ZNF470: variants seen among roughly 807,000 people sequenced by gnomAD.
The protein encoded by ZNF470 is chondrogenesis zinc finger protein 1.
ZNF470 carries 13 observed loss-of-function variants against 13.9 expected under a neutral mutation model. The ratio of observed to expected loss-of-function variants is 0.94; its 90% CI spans 0.61 to 1.49. The LOEUF (loss-of-function observed/expected upper bound fraction) is 1.49. Ranked by LOEUF, ZNF470 falls within the 40% of genes most tolerant of loss-of-function variation. The pLI is 0.00. For synonymous variants in ZNF470, 293 were observed against 282.9 expected, an observed-to-expected ratio of 1.04 and a Z score of -0.36; for missense variants, 929 against 857.3, an observed-to-expected ratio of 1.08 and a Z score of -1.04.
Position 56,574,466 on chromosome 19 carries a change from A to C in ZNF470, c.133A>C (p.Arg45=). The C allele has an allele frequency of 6.2e-7, 1 of 1,613,936 alleles. No homozygotes were observed. Among genetic ancestry groups the C allele is most frequent in the Non-Finnish European group, 8.5e-7 (1 of 1,179,804 alleles). ...DEWEWLNLAQ[R]SLYKKVMLEN... is the part of the protein sequence containing the mutation. The stretch of plus-strand genomic sequence containing the variant: ...ATGGGAGTGGCTGAATCTTGCTCAG[A>C]GAAGTTTGTACAAGAAGGTGATGTT... Residue 45 remains arginine (R), a synonymous_variant, in exon 4 of 6, where the codon AGA becomes CGA. Coordinates refer to ENST00000330619, the MANE Select transcript of ZNF470 (RefSeq NM_001001668.4).
rs551327601 is a variant in ZNF470, at chr19:56,567,871, G to C, written c.-326G>C. The C allele has an allele frequency of 3.0e-6, 3 of 985,292 alleles. No individual in the cohort carries two copies. Among genetic ancestry groups the C allele is most frequent in the East Asian group, 1.1e-4 (1 of 8,730 alleles). The allele number at this position is 985,292 out of a possible 1,614,324, so 61.0% of individuals were successfully genotyped here. A position where few individuals can be genotyped will look rare whatever the true frequency, so the allele number is the denominator to read the frequency against. ...CCCCGTTCTCCCCTGTATCGACTGCGTAGAGCCCAGTGTGGGCAAAGTCCT... is the reference window on the plus strand; with the variant it reads ...CCCCGTTCTCCCCTGTATCGACTGCCTAGAGCCCAGTGTGGGCAAAGTCCT... On this transcript the variant is annotated 5_prime_UTR_variant, in exon 1 of 6. Coordinates refer to ENST00000330619, the MANE Select transcript of ZNF470 (RefSeq NM_001001668.4).
rs745564994 is a variant in ZNF470, at chr19:56,577,797, T to C, written c.1368T>C (p.Asn456=). 4.3e-6 allele frequency: 7 copies of C among 1,613,314 alleles called. No individual in the cohort carries two copies. In the African/African-American group the frequency reaches 9.4e-5, roughly 22 times the overall value. The change falls in exon 6 of 6, where the codon AAT becomes AAC. Residue 456 remains asparagine (N), a synonymous_variant. Coordinates refer to ENST00000330619, the MANE Select transcript of ZNF470 (RefSeq NM_001001668.4). ...IHTGEKPYEC[N]ICEKAFSHRG... Reference sequence around the variant, plus strand: ...CAGGAGAGAAACCTTATGAATGCAATATCTGTGAGAAAGCCTTCAGCCATC... The same window carrying C: ...CAGGAGAGAAACCTTATGAATGCAACATCTGTGAGAAAGCCTTCAGCCATC...
chr19:56,580,177 A>T lies in ZNF470; in HGVS notation c.*1594A>T. The T allele has an allele frequency of 1.0e-6, 1 of 973,698 alleles. No homozygotes were observed. The highest frequency in any genetic ancestry group is 1.2e-6 in the Non-Finnish European group (1 of 827,136). The allele number at this position is 973,698 out of a possible 1,614,324, so 60.3% of individuals were successfully genotyped here. ...CATGTTGGTATTAGAGGATGAGGGAAGAACTAGAGGTAACTGTGAGACACA... is the reference window on the plus strand; with the variant it reads ...CATGTTGGTATTAGAGGATGAGGGATGAACTAGAGGTAACTGTGAGACACA... On this transcript the variant is annotated 3_prime_UTR_variant, in exon 6 of 6. Transcript: ENST00000330619.
At chr19:56,570,205 C>G in intron 2 of ZNF470, 75 bp from the exon 3 acceptor site, 1 of 1,048,656 alleles carries the variant, frequency 9.5e-7, no homozygotes, top group Non-Finnish European at 1.5e-6. Context: ...ACAGAAGAAG[C>G]TGAAGGGAAG....
In ZNF470 at chr19:56,576,824, G is replaced by A; in HGVS notation, c.395G>A (p.Cys132Tyr). The A allele has an allele frequency of 1.3e-6, 2 of 1,587,716 alleles. No homozygotes were observed. Among genetic ancestry groups the A allele is most frequent in the Middle Eastern group, 1.7e-4 (1 of 5,928 alleles). ...MERLKSYDLE[C>Y]STLGKNWKCE... ...AGACTTAAAAGCTATGACCTTGAAT[G>A]TTCAACATTAGGGAAAAACTGGAAA... Residue 132 changes from cysteine to tyrosine, a missense_variant, in exon 6 of 6, where the codon TGT (cysteine) becomes TAT (tyrosine). By Grantham distance (194) the Cys-to-Tyr change is radical. Transcript: ENST00000330619.
Position 56,581,132 on chromosome 19 carries a change from G to C in ZNF470, c.*2549G>C. 1.1e-6 allele frequency: 1 copy of C among 912,194 alleles called. No homozygotes were observed. Among genetic ancestry groups the C allele is most frequent in the Non-Finnish European group, 1.3e-6 (1 of 763,612 alleles). The allele number at this position is 912,194 out of a possible 1,614,324, so 56.5% of individuals were successfully genotyped here. A position where few individuals can be genotyped will look rare whatever the true frequency, so the allele number is the denominator to read the frequency against. On this transcript the variant is annotated 3_prime_UTR_variant, in exon 6 of 6. Coordinates refer to ENST00000330619, the MANE Select transcript of ZNF470 (RefSeq NM_001001668.4). The stretch of plus-strand genomic sequence containing the variant: ...AAGTGTTTGCAACAGATATAATAAA[G>C]GACTGTAATTCGTGATATTCAAAGT...
At position 56,577,322 on chromosome 19, in the gene ZNF470, ATC is replaced by A. The variant is rs1321929830; in HGVS notation, c.895_896del (p.Leu299CysfsTer16). 6.2e-7 allele frequency: 1 copy of A among 1,613,804 alleles called. No individual in the cohort carries two copies. Among genetic ancestry groups the A allele is most frequent in the South Asian group, 1.1e-5 (1 of 91,064 alleles). ...GGGAAAGCCTTCAGCCAGAATGCTC[ATC>A]TTGTTCAACACCAGAGAGTTCATAC... On this transcript the variant is annotated frameshift_variant, in exon 6 of 6. Transcript: ENST00000330619. LOFTEE classifies it low-confidence loss of function (END_TRUNC).
At chr19:56,576,069 A>C (rs2044486660) in intron 5 of ZNF470, among the ~76,000 whole-genome samples, 1 of 152,150 alleles carries the variant, frequency 6.6e-6, no homozygotes, top group Non-Finnish European at 1.5e-5. Context: ...AGAAAACACA[A>C]AAACAAAATA....
chr19:56,578,967 A>T lies in ZNF470; in HGVS notation c.*384A>T, dbSNP rs576713102. ...CTAAGACTAAGATTTTAGAGCAGACAGAAGACTACTCTCCTGGTAGAGAGG... is the reference window on the plus strand; with the variant it reads ...CTAAGACTAAGATTTTAGAGCAGACTGAAGACTACTCTCCTGGTAGAGAGG... On this transcript the variant is annotated 3_prime_UTR_variant, in exon 6 of 6. Coordinates refer to ENST00000330619, the MANE Select transcript of ZNF470 (RefSeq NM_001001668.4). 6 of 997,066 alleles carry T rather than the reference A, an allele frequency of 6.0e-6. No individual in the cohort carries two copies. Among genetic ancestry groups the T allele is most frequent in the Admixed American group, 5.9e-5 (1 of 16,880 alleles). The allele number at this position is 997,066 out of a possible 1,614,324, so 61.8% of individuals were successfully genotyped here.
chr19:56,581,135 C>A lies in ZNF470; in HGVS notation c.*2552C>A. 1.1e-6 allele frequency: 1 copy of A among 905,120 alleles called. No individual in the cohort carries two copies. Among genetic ancestry groups the A allele is most frequent in the Non-Finnish European group, 1.3e-6 (1 of 757,088 alleles). 56.1% of individuals were successfully genotyped at this position (905,120 alleles called of 1,614,324 possible). ...TGTTTGCAACAGATATAATAAAGGA[C>A]TGTAATTCGTGATATTCAAAGTACT... On this transcript the variant is annotated 3_prime_UTR_variant, in exon 6 of 6. Coordinates refer to ENST00000330619, the MANE Select transcript of ZNF470 (RefSeq NM_001001668.4).
At position 56,578,192 on chromosome 19, in the gene ZNF470, G is replaced by C. The variant is rs2044507219; in HGVS notation, c.1763G>C (p.Ser588Thr). Residue 588 changes from serine (S) to threonine (T), a missense_variant, in exon 6 of 6, where the codon AGT becomes ACT. Ser to Thr is a moderately conservative substitution (Grantham distance 58, BLOSUM62 1). Transcript: ENST00000330619. ...SYLVQHQRLHSGKRPYECLEC... is the reference protein window; with the variant it reads ...SYLVQHQRLHTGKRPYECLEC... Reference sequence around the variant, plus strand: ...CTTGTTCAACATCAGAGACTCCACAGTGGCAAAAGACCGTATGAATGTCTT... The same window carrying C: ...CTTGTTCAACATCAGAGACTCCACACTGGCAAAAGACCGTATGAATGTCTT... The C allele has an allele frequency of 6.2e-7, 1 of 1,613,806 alleles. No homozygotes were observed. Among genetic ancestry groups the C allele is most frequent in the Non-Finnish European group, 8.5e-7 (1 of 1,179,944 alleles).
chr19:56,577,836 T>A lies in ZNF470; in HGVS notation c.1407T>A (p.Thr469=), dbSNP rs2044503002. 3.1e-6 allele frequency: 5 copies of A among 1,614,040 alleles called. No individual in the cohort carries two copies. Among genetic ancestry groups the A allele is most frequent in the Non-Finnish European group, 4.2e-6 (5 of 1,179,980 alleles). The change falls in exon 6 of 6, where the codon ACT becomes ACA. Residue 469 remains threonine, a synonymous_variant. Coordinates refer to ENST00000330619, the MANE Select transcript of ZNF470 (RefSeq NM_001001668.4). ...CCTTCAGCCATCGTGGGTCTCTTACTCTTCATCAGAGAGTTCATACTGGAG... is the reference window on the plus strand; with the variant it reads ...CCTTCAGCCATCGTGGGTCTCTTACACTTCATCAGAGAGTTCATACTGGAG... The part of the protein sequence containing the change: ...EKAFSHRGSL[T]LHQRVHTGEK...
chr19:56,569,765 ACCT>A (rs980731537), intron 2 of ZNF470, among the ~76,000 whole-genome samples: 1 of 151,860 alleles, frequency 6.6e-6, no homozygotes, highest in Admixed American at 6.6e-5. Context: ...GGAGGTTGAC[ACCT>A]CCTGGCCTCA....
chr19:56,581,409 T>A lies in ZNF470; in HGVS notation c.*2826T>A, dbSNP rs1600572388. 2 of 969,158 alleles carry A rather than the reference T, an allele frequency of 2.1e-6. No homozygotes were observed. The highest frequency in any genetic ancestry group is 1.2e-4 in the Admixed American group (2 of 16,252). The allele number at this position is 969,158 out of a possible 1,614,324, so 60.0% of individuals were successfully genotyped here. On this transcript the variant is annotated 3_prime_UTR_variant, in exon 6 of 6. Coordinates refer to ENST00000330619, the MANE Select transcript of ZNF470 (RefSeq NM_001001668.4). Reference sequence around the variant, plus strand: ...ATCTATTGCTTTATGTATATACCCTTTGAATTAATATTCCTTGGAAACCAA... The same window carrying A: ...ATCTATTGCTTTATGTATATACCCTATGAATTAATATTCCTTGGAAACCAA...
At position 56,579,259 on chromosome 19, in the gene ZNF470, A is replaced by G; in HGVS notation, c.*676A>G. 2 of 692,320 alleles carry G rather than the reference A, an allele frequency of 2.9e-6. No homozygotes were observed. The highest frequency in any genetic ancestry group is 1.3e-4 in the East Asian group (1 of 7,446). The allele number at this position is 692,320 out of a possible 1,614,324, so 42.9% of individuals were successfully genotyped here. A position where few individuals can be genotyped will look rare whatever the true frequency, so the allele number is the denominator to read the frequency against. ...CAACATGGTGAAACCCTGTCTCTAC[A>G]AAAAATACAGAAATTAGCCAGGCGT... On this transcript the variant is annotated 3_prime_UTR_variant, in exon 6 of 6. Transcript: ENST00000330619.
Position 56,582,048 on chromosome 19 carries a change from G to C in ZNF470, c.*3465G>C. On this transcript the variant is annotated 3_prime_UTR_variant, in exon 6 of 6. Coordinates refer to ENST00000330619, the MANE Select transcript of ZNF470 (RefSeq NM_001001668.4). ...ACAATCATACAGAATTTGGTACGAA[G>C]ATTGGGTAATGGGCATTAGAATCTT... is the stretch of plus-strand genomic sequence containing the variant. The C allele has an allele frequency of 1.0e-6, 1 of 985,396 alleles. No homozygotes were observed. The highest frequency in any genetic ancestry group is 1.2e-6 in the Non-Finnish European group (1 of 829,926). The allele number at this position is 985,396 out of a possible 1,614,324, so 61.0% of individuals were successfully genotyped here. A position where few individuals can be genotyped will look rare whatever the true frequency, so the allele number is the denominator to read the frequency against.
chr19:56,574,229 A>G, intron 3 of ZNF470, 165 bp from the exon 4 acceptor site: 1 of 1,123,550 alleles, frequency 8.9e-7, no homozygotes, highest in Non-Finnish European at 1.3e-6. Flanking sequence ...AACTAGGCAG[A>G]AAAGTTGTCC....
At position 56,574,419 on chromosome 19, in the gene ZNF470, C is replaced by T. The variant is rs2044475092; in HGVS notation, c.86C>T (p.Ala29Val). The T allele has an allele frequency of 4.3e-6, 7 of 1,613,666 alleles. No individual in the cohort carries two copies. Among genetic ancestry groups the T allele is most frequent in the South Asian group, 3.3e-5 (3 of 91,082 alleles). Reference sequence around the variant, plus strand: ...GGTTCAGTGACTTTCACAGATGTGGCCATAGACTTTTCCCAAGATGAATGG... The same window carrying T: ...GGTTCAGTGACTTTCACAGATGTGGTCATAGACTTTTCCCAAGATGAATGG... ...SLGSVTFTDV[A>V]IDFSQDEWEW... is the part of the protein sequence containing the mutation. The change falls in exon 4 of 6, where the codon GCC becomes GTC. Residue 29 changes from alanine to valine, a missense_variant. Coordinates refer to ENST00000330619, the MANE Select transcript of ZNF470 (RefSeq NM_001001668.4).
At chr19:56,573,975 T>C (rs2044471990) in intron 3 of ZNF470, 2 of 984,784 alleles carry the variant, frequency 2.0e-6, no homozygotes, top group Non-Finnish European at 2.4e-6. Flanking sequence ...ATTGAAATCA[T>C]GTTCATCAGG....
Sources: gnomAD v4.1 joint callset for allele counts (sites outside exome capture counted in the v4.1 genomes callset) on GRCh38, gnomAD v4.1.1 for gene constraint, MANE v1.5 for transcripts, NCBI Gene and HGNC (gene_info 2026-07-23, HGNC 2026-07-21) for gene names.